Variants in PDE1A observed in about 807,000 individuals in gnomAD.
PDE1A encodes the protein dual specificity calcium/calmodulin-dependent 3',5'-cyclic nucleotide phosphodiesterase 1A.
A neutral mutation model predicts 61.7 loss-of-function variants in PDE1A; 35 were observed. That is an observed-to-expected ratio of 0.57 (90% CI 0.43 to 0.75). The LOEUF (loss-of-function observed/expected upper bound fraction) is 0.75, where lower values mean the gene tolerates loss of function less well. PDE1A is among the 30% of genes least tolerant of loss of function. The pLI is 0.00. For synonymous variants in PDE1A, 232 were observed against 213.2 expected (o/e 1.09, Z -0.77); for missense variants, 597 against 630.6 (o/e 0.95, Z 0.57).
intron 2 of PDE1A, among the ~76,000 whole-genome samples, chr2:182,459,806 T>C (rs1480931509): frequency 1.3e-5 from 2 of 152,324 alleles, no homozygotes; most frequent in Admixed American, 6.5e-5. Context: ...CACTGTAGCA[T>C]GCACAGTATT....
At chr2:182,321,293 T>G (rs961005622) in intron 1 of PDE1A, among the ~76,000 whole-genome samples, 2 of 152,176 alleles carry the variant, frequency 1.3e-5, no homozygotes, top group African/African-American at 4.8e-5. Context: ...TTGGCATACT[T>G]CTCTAATTCT....
At chr2:182,169,451 G>A (rs1231343684) in intron 13 of PDE1A, among the ~76,000 whole-genome samples, 1 of 151,906 alleles carries the variant, frequency 6.6e-6, no homozygotes, top group African/African-American at 2.4e-5. Context: ...GGCAGTATTG[G>A]CTAAAATTAT....
At chr2:182,655,543 T>C in the PDE1A span, among the ~76,000 whole-genome samples, 1 of 152,232 alleles carries the variant, frequency 6.6e-6, no homozygotes, top group African/African-American at 2.4e-5. Flanking sequence ...GAGTAAACTA[T>C]TCCTCCCAGA....
the PDE1A span, among the ~76,000 whole-genome samples, chr2:182,528,887 G>A: frequency 6.6e-6 from 1 of 152,192 alleles, no homozygotes; most frequent in African/African-American, 2.4e-5. Flanking sequence ...ATCAAGAATT[G>A]AGGTTTGGGA....
chr2:182,210,459 G>C (rs1252398956), intron 7 of PDE1A, among the ~76,000 whole-genome samples: 2 of 152,100 alleles, frequency 1.3e-5, no homozygotes, highest in East Asian at 3.8e-4. Flanking sequence ...TTCCTAGCTG[G>C]AGTGACTGGT....
At chr2:182,619,063 G>T in the PDE1A span, among the ~76,000 whole-genome samples, 1 of 150,722 alleles carries the variant, frequency 6.6e-6, no homozygotes, top group Non-Finnish European at 1.5e-5. Flanking sequence ...GCGGGTGAGC[G>T]GGGGCAGGGT....
chr2:182,397,649 G>C (rs1456531816), intron 1 of PDE1A, among the ~76,000 whole-genome samples: 1 of 152,070 alleles, frequency 6.6e-6, no homozygotes, highest in African/African-American at 2.4e-5. Context: ...CAATACAACG[G>C]TGTCTTTTCA....
chr2:182,375,726 C>T (rs1025166266), intron 1 of PDE1A, among the ~76,000 whole-genome samples: 59 of 152,376 alleles, frequency 3.9e-4, no homozygotes, highest in Middle Eastern at 6.8e-3. Context: ...CCACATTTCC[C>T]TTCCACACTG....
chr2:182,215,513 C>T (rs1025639302), intron 7 of PDE1A, among the ~76,000 whole-genome samples: 39 of 151,412 alleles, frequency 2.6e-4, no homozygotes, highest in East Asian at 2.1e-3. Context: ...ATTGACAGAC[C>T]GCTAGCAAGA....
intron 1 of PDE1A, among the ~76,000 whole-genome samples, chr2:182,376,405 A>G (rs1700406902): frequency 6.6e-6 from 1 of 152,238 alleles, no homozygotes; most frequent in African/African-American, 2.4e-5. Context: ...AAACGCTGCC[A>G]GTCTCTTTGC....
the PDE1A span, among the ~76,000 whole-genome samples, chr2:182,559,018 A>T: frequency 6.6e-6 from 1 of 152,236 alleles, no homozygotes; most frequent in African/African-American, 2.4e-5. Context: ...AAAACAAAAT[A>T]GTGATTTTAA....
the PDE1A span, among the ~76,000 whole-genome samples, chr2:182,538,231 A>C: frequency 1.3e-5 from 2 of 152,086 alleles, no homozygotes; most frequent in Admixed American, 1.3e-4. Flanking sequence ...TTCCAATCAC[A>C]TTTCCCTGTT....
chr2:182,684,123 CAAAAAAA>C, the PDE1A span, among the ~76,000 whole-genome samples: 2 of 52,064 alleles, frequency 3.8e-5, no homozygotes, highest in Admixed American at 2.3e-4. Context: ...AACTCCATCT[CAAAAAAA>C]AAAAAAAAAA....
At chr2:182,151,782 G>A (rs1423526117) in intron 13 of PDE1A, among the ~76,000 whole-genome samples, 1 of 152,062 alleles carries the variant, frequency 6.6e-6, no homozygotes, top group East Asian at 1.9e-4. Flanking sequence ...TTCTCATGTA[G>A]ATATAAAAAA....
At chr2:182,223,954 G>T in exon 7 of PDE1A, 1 of 1,600,534 alleles carries the variant, frequency 6.2e-7, no homozygotes, top group Non-Finnish European at 8.5e-7. Flanking sequence ...TTCCAGTTCA[G>T]TGAGCCAGTG....
At chr2:182,480,786 C>A (rs1336650736) in intron 2 of PDE1A, among the ~76,000 whole-genome samples, 1 of 151,908 alleles carries the variant, frequency 6.6e-6, no homozygotes, top group African/African-American at 2.4e-5. Flanking sequence ...TGTGCATGTA[C>A]ATACACAAAC....
intron 1 of PDE1A, among the ~76,000 whole-genome samples, chr2:182,397,957 G>C (rs1701800990): frequency 6.6e-6 from 1 of 152,028 alleles, no homozygotes; most frequent in Non-Finnish European, 1.5e-5. Context: ...TCTATGTACA[G>C]TAATATTTCA....
chr2:182,458,415 A>G (rs549656220), intron 2 of PDE1A, among the ~76,000 whole-genome samples: 67 of 152,256 alleles, frequency 4.4e-4, no homozygotes, highest in Middle Eastern at 6.8e-3. Context: ...CCCTGTGTCC[A>G]TGGAGCTTCC....
chr2:182,507,586 G>C (rs1864445), intron 2 of PDE1A, among the ~76,000 whole-genome samples: 58,340 of 151,194 alleles, frequency 0.39, 11,786 homozygotes, highest in Middle Eastern at 0.5. Flanking sequence ...CTAAAACAAG[G>C]TGTATGGCCA....
Sources: allele counts gnomAD v4.1 joint callset (sites outside exome capture counted in the v4.1 genomes callset), GRCh38; gene constraint gnomAD v4.1.1; transcripts MANE v1.5; gene names NCBI Gene and HGNC (gene_info 2026-07-23, HGNC 2026-07-21).